LOXL2: variants seen among roughly 807,000 people sequenced by gnomAD.
LOXL2 encodes lysyl oxidase like 2.
In LOXL2, 70 loss-of-function variants were observed where a neutral mutation model predicts 93.0. That is an observed-to-expected ratio of 0.75 (90% CI 0.62 to 0.92). LOXL2 has a LOEUF of 0.92. Ranked by LOEUF, LOXL2 falls within the 40% of genes least tolerant of loss-of-function variation. The pLI is 0.00. For synonymous variants in LOXL2, 438 were observed against 413.2 expected (o/e 1.06, Z -0.73); for missense variants, 973 against 1,054.9 (o/e 0.92, Z 1.08).
intron 2 of LOXL2, chr8:23,365,675 C>G (rs945868641): frequency 2.6e-5 from 4 of 152,272 alleles, no homozygotes; most frequent in Admixed American, 6.5e-5. Flanking sequence ...CCATCCTGCT[C>G]CAGCCGCTGT....
intron 2 of LOXL2, among the ~76,000 whole-genome samples, 186 bp downstream of exon 2, chr8:23,367,811 C>T (rs1234672505): frequency 6.6e-6 from 1 of 151,692 alleles, no homozygotes; most frequent in Non-Finnish European, 1.5e-5. Flanking sequence ...CCTCAAGCCC[C>T]CCGACCCCGC....
intron 1 of LOXL2, among the ~76,000 whole-genome samples, chr8:23,378,027 C>T (rs1804620676): frequency 1.3e-5 from 2 of 152,198 alleles, no homozygotes; most frequent in African/African-American, 4.8e-5. Flanking sequence ...GTAGTTTCTT[C>T]CTAGCATCAA....
At chr8:23,366,195 T>C (rs1338267018) in intron 2 of LOXL2, 4 of 152,246 alleles carry the variant, frequency 2.6e-5, no homozygotes, top group Non-Finnish European at 5.9e-5. Context: ...AACATGAATC[T>C]GAGGTTACCC....
At chr8:23,348,173 G>A (rs191650105) in intron 3 of LOXL2, among the ~76,000 whole-genome samples, 223 of 149,552 alleles carry the variant, frequency 1.5e-3, no homozygotes, top group Non-Finnish European at 2.5e-3. Flanking sequence ...ACCAAACACC[G>A]CATGTTCTCA....
At chr8:23,376,115 C>A (rs187272601) in intron 1 of LOXL2, among the ~76,000 whole-genome samples, 8 of 149,914 alleles carry the variant, frequency 5.3e-5, no homozygotes, top group Admixed American at 4.6e-4. Flanking sequence ...TACGTCTAAT[C>A]GATACCTAAT....
At position 23,320,009 on chromosome 8, in the gene LOXL2, T is replaced by A. The variant is rs1435872493; in HGVS notation, c.1346A>T (p.Glu449Val). 6.2e-7 allele frequency: 1 copy of A among 1,613,868 alleles called. No homozygotes were observed. Among genetic ancestry groups the A allele is most frequent in the Non-Finnish European group, 8.5e-7 (1 of 1,179,938 alleles). The change falls in exon 8 of 14, where the codon GAG becomes GTG. Residue 449 changes from glutamate (E) to valine (V), a missense_variant. Physicochemically the swap from Glu to Val is moderately radical, Grantham distance 121. Coordinates refer to ENST00000389131, the MANE Select transcript of LOXL2 (RefSeq NM_002318.3). ...GGACCCGTTTCTCTCCACCAGCACC[T>A]CCACTCGGCCCTCGTAGGGATTGCG... ...GGRNPYEGRV[E>V]VLVERNGSLV...
chr8:23,342,020 G>T (rs1803890149), intron 3 of LOXL2, among the ~76,000 whole-genome samples: 1 of 152,108 alleles, frequency 6.6e-6, no homozygotes, highest in South Asian at 2.1e-4. Flanking sequence ...CAGAGGCTGG[G>T]GTCAGGGTTG....
intron 2 of LOXL2, 136 bp from the exon 3 acceptor site, chr8:23,360,401 A>T (rs1222768759): frequency 1.7e-6 from 1 of 605,758 alleles, no homozygotes; most frequent in Non-Finnish European, 2.9e-6. Context: ...CATTTTTATT[A>T]TATTAAGATA....
At chr8:23,393,186 T>G (rs1800036402) in intron 1 of LOXL2, among the ~76,000 whole-genome samples, 1 of 152,234 alleles carries the variant, frequency 6.6e-6, no homozygotes, top group South Asian at 2.1e-4. Context: ...AGCTGACTTC[T>G]TTGCAGAAAT....
Position 23,385,139 on chromosome 8 carries a change from G to A in LOXL2, c.-83-16705C>T, listed in dbSNP as rs567771601. On this transcript the variant is annotated intron_variant, in intron 1 of 13. Transcript: ENST00000389131. The stretch of plus-strand genomic sequence containing the variant: ...TTTATTTACCACTCCCTGCGCCCCC[G>A]TCCTGTTCGAACAGGATCACCTCTA... 5.9e-5 allele frequency among the ~76,000 whole-genome samples: 7 copies of A among 117,732 alleles called. No homozygotes were observed. The East Asian group carries it at 8.7e-4, about 15-fold the overall frequency. The allele number at this position is 117,732 out of a possible 152,430, so 77.2% of individuals were successfully genotyped here. A position where few individuals can be genotyped will look rare whatever the true frequency, so the allele number is the denominator to read the frequency against.
At position 23,318,378 on chromosome 8, in the gene LOXL2, T is replaced by C. The variant is rs151190470; in HGVS notation, c.1471-1264A>G. On this transcript the variant is annotated intron_variant, in intron 8 of 13. Coordinates refer to ENST00000389131, the MANE Select transcript of LOXL2 (RefSeq NM_002318.3). Reference sequence around the variant, plus strand: ...CTTCATGCTGTGTGTGTGAGAGATATACATACACATATATAAACACACATT... The same window carrying C: ...CTTCATGCTGTGTGTGTGAGAGATACACATACACATATATAAACACACATT... Among the ~76,000 whole-genome samples, 43 of 151,818 alleles carry C rather than the reference T, an allele frequency of 2.8e-4. No individual in the cohort carries two copies. The East Asian group carries it at 8.3e-3, about 29-fold the overall frequency.
rs1414618135 is a variant in LOXL2 at position 23,302,226 on chromosome 8, TC to T, written c.1997-64del. 79 of 1,598,164 alleles carry T rather than the reference TC, an allele frequency of 4.9e-5. No homozygotes were observed. In the Middle Eastern group the frequency reaches 6.7e-4, roughly 13 times the overall value. ...CCATGGCCCCACTGCCGCACCCTCTTCCTGCTTCCAAGGCCCCTACCGCTGC... is the reference window on the plus strand; with the variant it reads ...CCATGGCCCCACTGCCGCACCCTCTTCTGCTTCCAAGGCCCCTACCGCTGC... On this transcript the variant is annotated intron_variant, in intron 11 of 13. Coordinates refer to ENST00000389131, the MANE Select transcript of LOXL2 (RefSeq NM_002318.3).
At chr8:23,379,881 G>A (rs897273074) in intron 1 of LOXL2, among the ~76,000 whole-genome samples, 11 of 152,230 alleles carry the variant, frequency 7.2e-5, no homozygotes, top group South Asian at 2.1e-4. Flanking sequence ...GAACCCTTGC[G>A]CTTCCTGGGT....
At chr8:23,307,794 A>G (rs1803253181) in intron 10 of LOXL2, among the ~76,000 whole-genome samples, 1 of 152,092 alleles carries the variant, frequency 6.6e-6, no homozygotes, top group South Asian at 2.1e-4. Flanking sequence ...TTCTCTATAA[A>G]GACCACACCT....
At chr8:23,380,610 C>T (rs1804669075) in intron 1 of LOXL2, among the ~76,000 whole-genome samples, 1 of 151,852 alleles carries the variant, frequency 6.6e-6, no homozygotes, top group African/African-American at 2.4e-5. Flanking sequence ...AGCTGCTTTT[C>T]TCTTCTTTTA....
At chr8:23,304,330 G>C (rs1803192225) in intron 10 of LOXL2, among the ~76,000 whole-genome samples, 1 of 152,226 alleles carries the variant, frequency 6.6e-6, no homozygotes, top group Non-Finnish European at 1.5e-5. Context: ...GAATAAACAA[G>C]GGAAACGGGG....
chr8:23,377,890 T>C (rs1804618599), intron 1 of LOXL2, among the ~76,000 whole-genome samples: 1 of 152,208 alleles, frequency 6.6e-6, no homozygotes, highest in Admixed American at 6.5e-5. Flanking sequence ...TGACTCTTTA[T>C]CCAATTTGCC....
rs1459846445 is a variant in LOXL2, at chr8:23,333,643, ACAGGGGAC to A, written c.744-28_744-21del. 6.3e-7 allele frequency: 1 copy of A among 1,596,852 alleles called. No individual in the cohort carries two copies. Among genetic ancestry groups the A allele is most frequent in the Non-Finnish European group, 8.6e-7 (1 of 1,166,110 alleles). The stretch of plus-strand genomic sequence containing the variant: ...AACATTCTGCAGACGATGGGAGGGG[ACAGGGGAC>A]CAGGGCATCATGACGCCTACCCCGA... On this transcript the variant is annotated intron_variant, in intron 4 of 13. Coordinates refer to ENST00000389131, the MANE Select transcript of LOXL2 (RefSeq NM_002318.3).
intron 2 of LOXL2, among the ~76,000 whole-genome samples, chr8:23,362,074 G>A (rs1050856482): frequency 2.6e-5 from 4 of 152,174 alleles, no homozygotes; most frequent in Admixed American, 2.6e-4. Context: ...GTTCATAACA[G>A]TATTATTCGC....
Sources: gnomAD v4.1 joint callset for allele counts (sites outside exome capture counted in the v4.1 genomes callset) on GRCh38, gnomAD v4.1.1 for gene constraint, MANE v1.5 for transcripts, NCBI Gene and HGNC (gene_info 2026-07-23, HGNC 2026-07-21) for gene names.